THADA: variants seen among roughly 807,000 people sequenced by gnomAD.
The protein encoded by THADA is THADA armadillo repeat containing, also known as tRNA (32-2'-O)-methyltransferase regulator THADA.
A neutral mutation model predicts 219.8 loss-of-function variants in THADA; 213 were observed. The ratio of observed to expected loss-of-function variants is 0.97; its 90% CI spans 0.87 to 1.09. The LOEUF is 1.09. Among genes scored for constraint, THADA ranks in the 50% least tolerant of loss-of-function variants. The pLI is 0.00. For synonymous variants in THADA, 1,018 were observed against 828.9 expected (o/e 1.23, Z -3.92); for missense variants, 2,956 against 2,311.3 (o/e 1.28, Z -5.72).
intron 31 of THADA, among the ~76,000 whole-genome samples, chr2:43,293,975 T>G (rs529628934): frequency 6.6e-6 from 1 of 152,338 alleles, no homozygotes; most frequent in East Asian, 1.9e-4. Flanking sequence ...CATCACACTG[T>G]TGACTCATAT....
At chr2:43,277,173 C>T (rs1228417979) in intron 36 of THADA, 1 of 152,578 alleles carries the variant, frequency 6.6e-6, no homozygotes, top group Non-Finnish European at 1.5e-5. Flanking sequence ...TCAGTCTCCT[C>T]TGAGTGCCTT....
Position 43,556,544 on chromosome 2 carries a change from T to C in THADA, c.2475A>G (p.Lys825=). 8.1e-6 allele frequency: 13 copies of C among 1,613,302 alleles called. No individual in the cohort carries two copies. The highest frequency in any genetic ancestry group is 1.1e-5 in the Non-Finnish European group (13 of 1,179,560). Residue 825 remains lysine (K), a synonymous_variant, in exon 17 of 38, where the codon AAA becomes AAG. Coordinates refer to ENST00000405975, the MANE Select transcript of THADA (RefSeq NM_022065.5). ...KTAVHFQDSG[K]LQGLFQAALE... ...ATGCTGCCTGAAATAAGCCTTGCAG[T>C]TTCCCCGAATCCTAGAATAAAGCGC...
intron 26 of THADA, among the ~76,000 whole-genome samples, chr2:43,482,489 A>G (rs1353556617): frequency 6.6e-6 from 1 of 152,220 alleles, no homozygotes; most frequent in African/African-American, 2.4e-5. Context: ...AAAAGACCTC[A>G]GGAATATTCC....
intron 4 of THADA, among the ~76,000 whole-genome samples, chr2:43,589,033 A>C (rs750793634): frequency 6.6e-6 from 1 of 152,198 alleles, no homozygotes; most frequent in Non-Finnish European, 1.5e-5. Context: ...GCTGGTGGGA[A>C]TGTAAAATGT....
rs759472606 is a variant in THADA at position 43,292,982 on chromosome 2, C to T, written c.4670G>A (p.Arg1557His). The T allele has an allele frequency of 1.1e-5, 18 of 1,613,874 alleles. No individual in the cohort carries two copies. The highest frequency in any genetic ancestry group is 3.3e-5 in the Admixed American group (2 of 59,996). The change falls in exon 32 of 38, where the codon CGC becomes CAC. Residue 1557 changes from arginine (R) to histidine (H), a missense_variant. Coordinates refer to ENST00000405975, the MANE Select transcript of THADA (RefSeq NM_022065.5). ...CAAGAGGGCTTCCAGTGTTAGTGAG[C>T]GCACTTCAGGGAAGGCAGATTCTAA... is the stretch of plus-strand genomic sequence containing the variant. ...QLLESAFPEVRSLTLEALLEK... is the reference protein window; with the variant it reads ...QLLESAFPEVHSLTLEALLEK...
intron 21 of THADA, among the ~76,000 whole-genome samples, chr2:43,537,639 T>G (rs1300909592): frequency 6.6e-6 from 1 of 152,150 alleles, no homozygotes; most frequent in Non-Finnish European, 1.5e-5. Context: ...TGTAGTTAAC[T>G]CTGGGCATCA....
chr2:43,548,578 G>C (rs934673359), intron 20 of THADA, among the ~76,000 whole-genome samples: 3 of 152,136 alleles, frequency 2.0e-5, no homozygotes, highest in African/African-American at 7.2e-5. Context: ...AACGGTGGGC[G>C]CCCCTCCCCC....
In THADA at chr2:43,537,176, G is replaced by T. The variant is rs542232207; in HGVS notation, c.3264+3983C>A. Among the ~76,000 whole-genome samples the T allele has an allele frequency of 2.0e-4, 31 of 152,260 alleles. No individual in the cohort carries two copies. The South Asian group carries it at 6.2e-3, about 31-fold the overall frequency. On this transcript the variant is annotated intron_variant, in intron 21 of 37. Coordinates refer to ENST00000405975, the MANE Select transcript of THADA (RefSeq NM_022065.5). ...CACTGTTCTCCTACAAAACAACAAA[G>T]GTAATAATTTTCTACCACTCAGATA...
At chr2:43,315,352 A>C (rs1171795912) in intron 31 of THADA, among the ~76,000 whole-genome samples, 3 of 152,312 alleles carry the variant, frequency 2.0e-5, no homozygotes, top group South Asian at 4.1e-4. Flanking sequence ...CTTTCATTCT[A>C]GTCTGTTCCT....
In THADA at chr2:43,578,567, A is replaced by T; in HGVS notation, c.762T>A (p.Ala254=). The T allele has an allele frequency of 6.2e-7, 1 of 1,613,054 alleles. No homozygotes were observed. The highest frequency in any genetic ancestry group is 1.7e-4 in the Middle Eastern group (1 of 6,058). ...ACATAGTCTTAATAAAAAGAATAAT[A>T]GCTAATCCAGATGTGCTCTGTACAG... ...LQTVQSTSGL[A]IILFIKTMFH... The change falls in exon 9 of 38, where the codon GCT becomes GCA. Residue 254 remains alanine, a synonymous_variant. Coordinates refer to ENST00000405975, the MANE Select transcript of THADA (RefSeq NM_022065.5).
intron 26 of THADA, among the ~76,000 whole-genome samples, chr2:43,468,472 T>A (rs1469271152): frequency 6.6e-6 from 1 of 152,170 alleles, no homozygotes; most frequent in Non-Finnish European, 1.5e-5. Flanking sequence ...TTAAAGGCCC[T>A]AAGAGAAAGT....
chr2:43,297,724 G>T (rs1398526970), intron 31 of THADA, among the ~76,000 whole-genome samples: 1 of 121,622 alleles, frequency 8.2e-6, no homozygotes, highest in African/African-American at 3.6e-5. Flanking sequence ...GGAGGGAGGT[G>T]GGGGGGTCGG....
intron 29 of THADA, among the ~76,000 whole-genome samples, chr2:43,366,555 A>T (rs1411748808): frequency 6.6e-6 from 1 of 152,236 alleles, no homozygotes; most frequent in Non-Finnish European, 1.5e-5. Flanking sequence ...AGGTAGCCAA[A>T]ACACAGTGGA....
intron 26 of THADA, among the ~76,000 whole-genome samples, chr2:43,442,830 A>G (rs1305128710): frequency 6.6e-6 from 1 of 152,132 alleles, no homozygotes; most frequent in Non-Finnish European, 1.5e-5. Context: ...TCAACATTCT[A>G]TGCTCTCTCT....
chr2:43,438,313 A>AC (rs1680398325), intron 26 of THADA, among the ~76,000 whole-genome samples: 1 of 151,772 alleles, frequency 6.6e-6, no homozygotes, highest in African/African-American at 2.4e-5. Context: ...AAAAAAAAAA[A>AC]AAAAACCCAA....
At chr2:43,594,576 C>G (rs1438416001) in intron 1 of THADA, among the ~76,000 whole-genome samples, 2 of 140,312 alleles carry the variant, frequency 1.4e-5, no homozygotes, top group African/African-American at 2.8e-5. Flanking sequence ...AAGAGCGAAA[C>G]TCCATCTCAA....
At chr2:43,356,038 T>C (rs1355678212) in intron 29 of THADA, among the ~76,000 whole-genome samples, 1 of 152,126 alleles carries the variant, frequency 6.6e-6, no homozygotes, top group Non-Finnish European at 1.5e-5. Flanking sequence ...GAAAGTAAGA[T>C]GTACATACTG....
intron 31 of THADA, among the ~76,000 whole-genome samples, chr2:43,296,051 C>T (rs1572956517): frequency 6.6e-6 from 1 of 151,698 alleles, no homozygotes. Flanking sequence ...TCCTGAGTAG[C>T]TGGGATTACA....
chr2:43,398,529 C>G (rs563101001), intron 28 of THADA, among the ~76,000 whole-genome samples: 1 of 152,088 alleles, frequency 6.6e-6, no homozygotes, highest in South Asian at 2.1e-4. Flanking sequence ...TTTGGTTGGC[C>G]AGAGGAAAAG....
Sources: allele counts gnomAD v4.1 joint callset (sites outside exome capture counted in the v4.1 genomes callset), GRCh38; gene constraint gnomAD v4.1.1; transcripts MANE v1.5; gene names NCBI Gene and HGNC (gene_info 2026-07-23, HGNC 2026-07-21).